Variants in KIRREL3 observed in about 807,000 individuals in gnomAD.
KIRREL3 encodes kin of IRRE-like protein 3.
Under a neutral mutation model 89.7 loss-of-function variants are expected in KIRREL3, and 36 were observed. The ratio of observed to expected loss-of-function variants is 0.40; its 90% confidence interval spans 0.31 to 0.53. KIRREL3 has a LOEUF of 0.53. Among genes scored for constraint, KIRREL3 ranks in the 20% least tolerant of loss-of-function variants. KIRREL3 has a pLI of 0.49. For missense variants in KIRREL3, 864 were observed against 1,056.6 expected (o/e 0.82, Z 2.53); for synonymous variants, 445 against 441.4 (o/e 1.01, Z -0.10).
At chr11:126,507,872 A>C (rs996227423) in intron 4 of KIRREL3, among the ~76,000 whole-genome samples, 4 of 152,204 alleles carry the variant, frequency 2.6e-5, no homozygotes, top group African/African-American at 9.6e-5. Context: ...CTGGAAGAGT[A>C]AGAGGACCAG....
At chr11:126,670,277 A>G (rs997077725) in intron 1 of KIRREL3, among the ~76,000 whole-genome samples, 1 of 152,238 alleles carries the variant, frequency 6.6e-6, no homozygotes, top group Non-Finnish European at 1.5e-5. Context: ...AAACTATCAA[A>G]TAACTAGGAA....
chr11:126,868,064 G>T lies in KIRREL3; in HGVS notation c.55+132391C>A, dbSNP rs377126940. 7.8e-4 allele frequency among the ~76,000 whole-genome samples: 95 copies of T among 121,322 alleles called. 1 individual carries two copies. The highest frequency in any genetic ancestry group is 2.8e-3 in the African/African-American group (92 of 32,342). 79.6% of individuals were successfully genotyped at this position (121,322 alleles called of 152,430 possible). On this transcript the variant is annotated intron_variant, in intron 1 of 16. Transcript: ENST00000525144. Reference sequence around the variant, plus strand: ...ACAGCTCTCAAGGAAGACTGGGGGTGGGGGGTGGGTGTGAAGCGGGGGTGG... The same window carrying T: ...ACAGCTCTCAAGGAAGACTGGGGGTTGGGGGTGGGTGTGAAGCGGGGGTGG...
intron 1 of KIRREL3, among the ~76,000 whole-genome samples, chr11:126,713,029 C>T (rs907103183): frequency 1.3e-5 from 2 of 152,164 alleles, no homozygotes; most frequent in African/African-American, 4.8e-5. Context: ...TCTCAGGGAG[C>T]TCAATCTCTC....
chr11:126,469,244 C>T (rs1358788684), intron 5 of KIRREL3, among the ~76,000 whole-genome samples: 1 of 152,254 alleles, frequency 6.6e-6, no homozygotes, highest in Admixed American at 6.5e-5. Context: ...ATGTGACAGC[C>T]ACTGAGGGCG....
rs1949447561 is a variant in KIRREL3, at chr11:126,755,090, C to A, written c.56-192178G>T. On this transcript the variant is annotated intron_variant, in intron 1 of 16. Coordinates refer to ENST00000525144, the MANE Select transcript of KIRREL3 (RefSeq NM_032531.4). This position sits in a 1 kb window ranked among gnomAD's most constrained non-coding sequence, Gnocchi z 4.3. The stretch of plus-strand genomic sequence containing the variant: ...TAAAAAAAGCATTAGGCTTTAATCT[C>A]CAGCACTTTAGTAACCTCCTAGTTT... Among the ~76,000 whole-genome samples the A allele has an allele frequency of 6.6e-6, 1 of 152,192 alleles. No homozygotes were observed. Among genetic ancestry groups the A allele is most frequent in the Admixed American group, 6.5e-5 (1 of 15,280 alleles).
chr11:126,700,687 G>A (rs1419608874), intron 1 of KIRREL3, among the ~76,000 whole-genome samples: 1 of 152,158 alleles, frequency 6.6e-6, no homozygotes, highest in Admixed American at 6.5e-5. Flanking sequence ...GCTCTGAGGA[G>A]CCCAGGCATT....
At chr11:126,671,235 C>CTTT (rs141912968) in intron 1 of KIRREL3, among the ~76,000 whole-genome samples, 2 of 136,336 alleles carry the variant, frequency 1.5e-5, no homozygotes, top group Non-Finnish European at 3.2e-5. Flanking sequence ...AGTTTTTCTC[C>CTTT]TTTTTTTTTT....
At position 126,802,657 on chromosome 11, in the gene KIRREL3, A is replaced by G. The variant is rs1951077763; in HGVS notation, c.55+197798T>C. ...GGGCTGGCTCCCGCCTGGCACCCTG[A>G]GCTGCTGGGACAGGCTCTGGGCACT... On this transcript the variant is annotated intron_variant, in intron 1 of 16. Transcript: ENST00000525144. The surrounding 1 kb of genome is among the most constrained non-coding windows in gnomAD (Gnocchi z 5.2). Among the ~76,000 whole-genome samples the G allele has an allele frequency of 1.3e-5, 2 of 152,176 alleles. No individual in the cohort carries two copies. The highest frequency in any genetic ancestry group is 6.5e-5 in the Admixed American group (1 of 15,280).
rs1328480972 is a variant in KIRREL3 at position 126,627,815 on chromosome 11, A to G, written c.56-64903T>C. On this transcript the variant is annotated intron_variant, in intron 1 of 16. Coordinates refer to ENST00000525144, the MANE Select transcript of KIRREL3 (RefSeq NM_032531.4). The surrounding 1 kb of genome is among the most constrained non-coding windows in gnomAD (Gnocchi z 5.0). The stretch of plus-strand genomic sequence containing the variant: ...AGAGAGAACTCACAGGCCCCAGTGG[A>G]GGGCTTGGATCTGAGCACCATGAGC... Among the ~76,000 whole-genome samples, 3 of 152,106 alleles carry G rather than the reference A, an allele frequency of 2.0e-5. No homozygotes were observed. The highest frequency in any genetic ancestry group is 7.2e-5 in the African/African-American group (3 of 41,412).
At position 126,477,369 on chromosome 11, in the gene KIRREL3, G is replaced by C. The variant is rs569738239; in HGVS notation, c.434-3903C>G. The stretch of plus-strand genomic sequence containing the variant: ...GTACCCGTCCCTTTCCCTGTGTGTG[G>C]GAGGGAGCCCCCAAAAGCTTTCCCC... On this transcript the variant is annotated intron_variant, in intron 4 of 16. Transcript: ENST00000525144. This position sits in a 1 kb window ranked among gnomAD's most constrained non-coding sequence, Gnocchi z 4.8. Among the ~76,000 whole-genome samples, 8 of 152,238 alleles carry C rather than the reference G, an allele frequency of 5.3e-5. No individual in the cohort carries two copies. In the South Asian group the frequency reaches 1.7e-3, roughly 32 times the overall value.
rs1214486381 is a variant in KIRREL3 at position 126,565,891 on chromosome 11, G to GT, written c.56-2980dup. Among the ~76,000 whole-genome samples, 1 of 152,038 alleles carries GT rather than the reference G, an allele frequency of 6.6e-6. No homozygotes were observed. Among genetic ancestry groups the GT allele is most frequent in the Non-Finnish European group, 1.5e-5 (1 of 68,010 alleles). ...GACTCTACCAAGCCAAACTAACTAG[G>GT]TTATTAGGAGAGAGATGATAGAACA... On this transcript the variant is annotated intron_variant, in intron 1 of 16. Transcript: ENST00000525144. The surrounding 1 kb of genome is among the most constrained non-coding windows in gnomAD (Gnocchi z 5.4).
At position 126,457,193 on chromosome 11, in the gene KIRREL3, G is replaced by GTGTGTGTGTGTGTGTGTGTGTGTGTGTA. The variant is rs1244557564; in HGVS notation, c.743-740_743-739insTACACACACACACACACACACACACACA. Among the ~76,000 whole-genome samples the GTGTGTGTGTGTGTGTGTGTGTGTGTGTA allele has an allele frequency of 3.1e-4, 46 of 149,054 alleles. 1 individual carries two copies. The East Asian group carries it at 6.1e-3, about 20-fold the overall frequency. On this transcript the variant is annotated intron_variant, in intron 6 of 16. Coordinates refer to ENST00000525144, the MANE Select transcript of KIRREL3 (RefSeq NM_032531.4). ...ATAGAGGAAGAGAGATTATGTGTGT[G>GTGTGTGTGTGTGTGTGTGTGTGTGTGTA]TGTGTGTGTGTGTGTGTATGTGTAT...
intron 1 of KIRREL3, among the ~76,000 whole-genome samples, chr11:126,585,220 CTTTTTT>C (rs3042225): frequency 3.7e-5 from 3 of 81,888 alleles, no homozygotes; most frequent in Admixed American, 1.3e-4. Context: ...CGCCCGGCCT[CTTTTTT>C]TTTTTTTTTT....
At chr11:126,986,895 C>A (rs1949882481) in intron 1 of KIRREL3, among the ~76,000 whole-genome samples, 1 of 152,280 alleles carries the variant, frequency 6.6e-6, no homozygotes, top group South Asian at 2.1e-4. Context: ...TGAGGGGACA[C>A]CATAAGGAAG....
chr11:126,753,044 T>A (rs1949385253), intron 1 of KIRREL3, among the ~76,000 whole-genome samples: 1 of 152,174 alleles, frequency 6.6e-6, no homozygotes, highest in South Asian at 2.1e-4. Flanking sequence ...ACATAAGCCC[T>A]CCACAAATAT....
chr11:126,786,436 G>C (rs1439189523), intron 1 of KIRREL3, among the ~76,000 whole-genome samples: 3 of 151,950 alleles, frequency 2.0e-5, no homozygotes, highest in African/African-American at 7.3e-5. Flanking sequence ...GTTAATTCCT[G>C]TTTCCTAAAG....
At position 126,428,756 on chromosome 11, in the gene KIRREL3, C is replaced by T. The variant is rs1955026453; in HGVS notation, c.1806+423G>A. On this transcript the variant is annotated intron_variant, in intron 15 of 16. Coordinates refer to ENST00000525144, the MANE Select transcript of KIRREL3 (RefSeq NM_032531.4). This position sits in a 1 kb window ranked among gnomAD's most constrained non-coding sequence, Gnocchi z 6.4. The stretch of plus-strand genomic sequence containing the variant: ...CCACCTCCTGGGTTCAAGCAATTCT[C>T]CTGCCTCAGCTTCCCAAGTAGCTGG... Among the ~76,000 whole-genome samples the T allele has an allele frequency of 6.6e-6, 1 of 152,184 alleles. No individual in the cohort carries two copies. Among genetic ancestry groups the T allele is most frequent in the Non-Finnish European group, 1.5e-5 (1 of 68,036 alleles).
chr11:126,877,923 C>A lies in KIRREL3; in HGVS notation c.55+122532G>T, dbSNP rs539704652. Among the ~76,000 whole-genome samples, 1 of 152,076 alleles carries A rather than the reference C, an allele frequency of 6.6e-6. No homozygotes were observed. The highest frequency in any genetic ancestry group is 1.5e-5 in the Non-Finnish European group (1 of 68,020). ...CAGCGTGTTAAGGCTGGAACTCCCC[C>A]CTAGAGACATAGTCCAAGCTTCTCA... On this transcript the variant is annotated intron_variant, in intron 1 of 16. Transcript: ENST00000525144. The surrounding 1 kb of genome is among the most constrained non-coding windows in gnomAD (Gnocchi z 4.9).
At position 126,953,781 on chromosome 11, in the gene KIRREL3, G is replaced by A. The variant is rs1212216292; in HGVS notation, c.55+46674C>T. 1.3e-5 allele frequency among the ~76,000 whole-genome samples: 2 copies of A among 152,162 alleles called. No individual in the cohort carries two copies. Among genetic ancestry groups the A allele is most frequent in the Non-Finnish European group, 1.5e-5 (1 of 68,042 alleles). On this transcript the variant is annotated intron_variant, in intron 1 of 16. Transcript: ENST00000525144. The surrounding 1 kb of genome is among the most constrained non-coding windows in gnomAD (Gnocchi z 5.2). ...TTTTCATGATTTCTGCCTCTCAGAG[G>A]TCTCTCAAACAGCTTTTCTGATATA...
Sources: gnomAD v4.1 joint callset for allele counts (sites outside exome capture counted in the v4.1 genomes callset) on GRCh38, gnomAD v4.1.1 for gene constraint, Gnocchi (gnomAD v3.1) non-coding constraint, MANE v1.5 for transcripts, NCBI Gene and HGNC (gene_info 2026-07-23, HGNC 2026-07-21) for gene names.